The following BRINP3 variants were observed in gnomAD, a reference collection of about 807,000 sequenced individuals.
BRINP3 encodes the protein BMP/retinoic acid-inducible neural-specific protein 3.
Under a neutral mutation model 71.0 loss-of-function variants are expected in BRINP3, and 19 were observed. The observed-to-expected ratio is 0.27, with a 90% CI of 0.19 to 0.39. The LOEUF is 0.39. Among genes scored for constraint, BRINP3 ranks in the 10% least tolerant of loss-of-function variants. The pLI, the probability that BRINP3 is intolerant of heterozygous loss-of-function variation, is 1.00. For missense variants in BRINP3, 959 were observed against 940.8 expected, an observed-to-expected ratio of 1.02 and a Z score of -0.25; for synonymous variants, 380 against 337.7, an observed-to-expected ratio of 1.13 and a Z score of -1.37.
intron 7 of BRINP3, among the ~76,000 whole-genome samples, chr1:190,130,298 C>T (rs1654433544): frequency 6.6e-6 from 1 of 151,980 alleles, no homozygotes; most frequent in African/African-American, 2.4e-5. Flanking sequence ...TTGGGCCAAA[C>T]TCTTCATGCT....
intron 6 of BRINP3, among the ~76,000 whole-genome samples, chr1:190,214,030 G>T (rs1656203894): frequency 6.6e-6 from 1 of 151,986 alleles, no homozygotes; most frequent in African/African-American, 2.4e-5. Context: ...AGGATAATGG[G>T]ATGGAAAGAA....
chr1:190,116,038 A>G (rs1270725582), intron 7 of BRINP3, among the ~76,000 whole-genome samples: 1 of 152,098 alleles, frequency 6.6e-6, no homozygotes, highest in Non-Finnish European at 1.5e-5. Flanking sequence ...CACTTACGAT[A>G]GACACATTCA....
intron 6 of BRINP3, among the ~76,000 whole-genome samples, chr1:190,172,867 T>C (rs1028174891): frequency 5.9e-5 from 9 of 152,176 alleles, no homozygotes; most frequent in Admixed American, 1.3e-4. Flanking sequence ...TTCCCAGAAA[T>C]AGCAGCTTCC....
chr1:190,253,595 A>G (rs1360969240), intron 4 of BRINP3, among the ~76,000 whole-genome samples: 2 of 152,046 alleles, frequency 1.3e-5, no homozygotes, highest in Non-Finnish European at 2.9e-5. Context: ...GTCTGTTCAT[A>G]TCCTTGGCCG....
At chr1:190,106,086 G>A (rs944667630) in intron 7 of BRINP3, among the ~76,000 whole-genome samples, 3 of 151,862 alleles carry the variant, frequency 2.0e-5, no homozygotes, top group Non-Finnish European at 1.5e-5. Flanking sequence ...AGTGATTAGT[G>A]TGATTGAGGA....
At chr1:190,259,030 A>G (rs1660929246) in intron 4 of BRINP3, among the ~76,000 whole-genome samples, 1 of 152,166 alleles carries the variant, frequency 6.6e-6, no homozygotes, top group Non-Finnish European at 1.5e-5. Flanking sequence ...AGAAAAGTTC[A>G]CATCTAGATG....
intron 2 of BRINP3, among the ~76,000 whole-genome samples, chr1:190,336,587 A>C (rs1164006226): frequency 6.6e-6 from 1 of 152,072 alleles, no homozygotes; most frequent in East Asian, 1.9e-4. Flanking sequence ...GACAAATATC[A>C]CTATGTATGT....
chr1:190,341,676 T>G (rs1667665094), intron 2 of BRINP3, among the ~76,000 whole-genome samples: 1 of 151,528 alleles, frequency 6.6e-6, no homozygotes, highest in African/African-American at 2.4e-5. Context: ...GAGATGACTA[T>G]AAGATGGGAA....
chr1:190,341,117 C>T (rs1476594207), intron 2 of BRINP3, among the ~76,000 whole-genome samples: 1 of 151,750 alleles, frequency 6.6e-6, no homozygotes, highest in African/African-American at 2.4e-5. Flanking sequence ...GTCCAGTCAT[C>T]TGGAATTTAG....
Position 190,462,544 on chromosome 1 carries a change from T to A in BRINP3, c.-50-7604A>T, listed in dbSNP as rs548501407. On this transcript the variant is annotated intron_variant, in intron 1 of 7. Coordinates refer to ENST00000367462, the MANE Select transcript of BRINP3 (RefSeq NM_199051.3). ...AAATCATATACTAGGATTATTTTGA[T>A]TGAGATCTCCCTGACTACCTGTGAG... is the stretch of plus-strand genomic sequence containing the variant. 2.0e-5 allele frequency among the ~76,000 whole-genome samples: 3 copies of A among 152,272 alleles called. No homozygotes were observed. The South Asian group carries it at 6.2e-4, about 32-fold the overall frequency.
At chr1:190,128,814 T>A (rs1557991437) in intron 7 of BRINP3, among the ~76,000 whole-genome samples, 1 of 151,818 alleles carries the variant, frequency 6.6e-6, no homozygotes, top group African/African-American at 2.4e-5. Context: ...GGATATTGGA[T>A]GTAACATATC....
intron 7 of BRINP3, among the ~76,000 whole-genome samples, chr1:190,143,463 T>C (rs1655629468): frequency 6.6e-6 from 1 of 152,176 alleles, no homozygotes; most frequent in Non-Finnish European, 1.5e-5. Flanking sequence ...CTAAGGGACA[T>C]TGAGGGACCA....
intron 2 of BRINP3, among the ~76,000 whole-genome samples, chr1:190,415,741 C>T (rs1489091650): frequency 1.3e-5 from 2 of 151,602 alleles, no homozygotes. Context: ...TATAGAAAAA[C>T]ATTTTTTAAT....
intron 4 of BRINP3, among the ~76,000 whole-genome samples, chr1:190,242,947 G>T (rs10920666): frequency 0.018 from 2,730 of 152,150 alleles, 105 homozygotes; most frequent in African/African-American, 0.063. Context: ...ACTTGTGTTT[G>T]TTACCATGAG....
chr1:190,474,723 G>A (rs924807944), intron 1 of BRINP3: 1 of 152,166 alleles, frequency 6.6e-6, no homozygotes, highest in Non-Finnish European at 1.5e-5. Context: ...TTCTCTAAAG[G>A]GCTGATCACG....
intron 3 of BRINP3, among the ~76,000 whole-genome samples, chr1:190,271,540 G>A (rs1321084913): frequency 1.3e-5 from 2 of 151,398 alleles, no homozygotes; most frequent in Non-Finnish European, 3.0e-5. Flanking sequence ...ATACCTAGAA[G>A]TTTCTAGTAA....
chr1:190,355,874 TC>T (rs945932271), intron 2 of BRINP3, among the ~76,000 whole-genome samples: 23 of 152,038 alleles, frequency 1.5e-4, no homozygotes, highest in African/African-American at 5.1e-4. Flanking sequence ...GAATGTCCTT[TC>T]TTTAAAGGAG....
At chr1:190,125,260 T>A (rs1400452174) in intron 7 of BRINP3, among the ~76,000 whole-genome samples, 2 of 151,852 alleles carry the variant, frequency 1.3e-5, no homozygotes, top group Non-Finnish European at 2.9e-5. Context: ...AGTGAACATG[T>A]CTATATATGC....
chr1:190,256,922 T>A (rs1287877065), intron 4 of BRINP3, among the ~76,000 whole-genome samples: 1 of 152,162 alleles, frequency 6.6e-6, no homozygotes, highest in Non-Finnish European at 1.5e-5. Context: ...CCTTATTATT[T>A]TTCCCTTCAT....
Sources: allele counts gnomAD v4.1 joint callset (sites outside exome capture counted in the v4.1 genomes callset), GRCh38; gene constraint gnomAD v4.1.1; transcripts MANE v1.5; gene names NCBI Gene and HGNC (gene_info 2026-07-23, HGNC 2026-07-21).